The following SLC8A1 variants were observed in gnomAD, a reference collection of about 807,000 sequenced individuals.
The protein encoded by SLC8A1 is sodium/calcium exchanger 1.
SLC8A1 carries 18 observed loss-of-function variants against 68.3 expected under a neutral mutation model. The observed-to-expected ratio is 0.26, with a 90% CI of 0.18 to 0.39. The LOEUF is 0.39. SLC8A1 is among the 10% of genes least tolerant of loss of function. The pLI is 1.00. For missense variants in SLC8A1, 985 were observed against 1,156.7 expected, an observed-to-expected ratio of 0.85 and a Z score of 2.15; for synonymous variants, 475 against 415.5, an observed-to-expected ratio of 1.14 and a Z score of -1.74.
At chr2:40,241,672 G>A (rs1296436721) in intron 2 of SLC8A1, among the ~76,000 whole-genome samples, 1 of 152,072 alleles carries the variant, frequency 6.6e-6, no homozygotes, top group South Asian at 2.1e-4. Flanking sequence ...AGAAGAGTGT[G>A]AAGGTGGTCC....
intron 2 of SLC8A1, among the ~76,000 whole-genome samples, chr2:40,331,576 T>C (rs183005116): frequency 6.6e-6 from 1 of 151,122 alleles, no homozygotes; most frequent in Non-Finnish European, 1.5e-5. Context: ...GGTGGCTTTT[T>C]ATTTATTTAT....
chr2:40,263,408 C>G (rs1034056031), intron 2 of SLC8A1, among the ~76,000 whole-genome samples: 1 of 152,114 alleles, frequency 6.6e-6, no homozygotes, highest in Non-Finnish European at 1.5e-5. Context: ...AACCCCAAGC[C>G]AAAAGAACAA....
intron 2 of SLC8A1, among the ~76,000 whole-genome samples, chr2:40,336,588 C>T (rs1218025481): frequency 1.3e-5 from 2 of 152,000 alleles, no homozygotes; most frequent in Non-Finnish European, 2.9e-5. Context: ...TGACCTTTTC[C>T]CCTGGGAATC....
intron 2 of SLC8A1, among the ~76,000 whole-genome samples, chr2:40,393,761 A>G (rs899127190): frequency 3.3e-5 from 5 of 151,720 alleles, no homozygotes; most frequent in Non-Finnish European, 7.4e-5. Flanking sequence ...AAAATTAGTG[A>G]TTTTATTTAT....
At chr2:40,240,463 G>C (rs555376405) in intron 2 of SLC8A1, among the ~76,000 whole-genome samples, 2 of 152,264 alleles carry the variant, frequency 1.3e-5, no homozygotes, top group East Asian at 3.9e-4. Flanking sequence ...ATTTGGATTG[G>C]TTAAGAGGAG....
rs372316695 is a variant in SLC8A1, at chr2:40,302,571, CAT to C, written c.1809-124718_1809-124717del. On this transcript the variant is annotated intron_variant, in intron 2 of 7. Transcript: ENST00000406785. ...TATATATGTATATATATCTGTATAA[CAT>C]ATATATCATATATATACATATGTAT... Among the ~76,000 whole-genome samples the C allele has an allele frequency of 9.5e-5, 14 of 147,462 alleles. No individual in the cohort carries two copies. In the East Asian group the frequency reaches 2.2e-3, roughly 23 times the overall value.
At chr2:40,422,263 C>A (rs537049248) in intron 2 of SLC8A1, among the ~76,000 whole-genome samples, 70 of 152,240 alleles carry the variant, frequency 4.6e-4, no homozygotes, top group African/African-American at 1.5e-3. Flanking sequence ...CGATGTTCTA[C>A]CCCAAACAGT....
intron 2 of SLC8A1, among the ~76,000 whole-genome samples, chr2:40,302,644 A>T (rs1228911922): frequency 1.3e-5 from 2 of 151,450 alleles, no homozygotes; most frequent in Non-Finnish European, 2.9e-5. Context: ...TTGTTGACTG[A>T]GGGCATTTGG....
chr2:40,201,118 A>G (rs1288726834), intron 2 of SLC8A1, among the ~76,000 whole-genome samples: 5 of 151,778 alleles, frequency 3.3e-5, no homozygotes, highest in African/African-American at 4.8e-5. Flanking sequence ...CCCTCAAAAA[A>G]AAAAGAAAAG....
At chr2:40,188,706 C>A (rs1454726262) in intron 2 of SLC8A1, among the ~76,000 whole-genome samples, 1 of 152,172 alleles carries the variant, frequency 6.6e-6, no homozygotes, top group African/African-American at 2.4e-5. Context: ...AGAAAGAGGT[C>A]AGCTTTAAAA....
chr2:40,371,076 G>C (rs759526070), intron 2 of SLC8A1, among the ~76,000 whole-genome samples: 5 of 152,048 alleles, frequency 3.3e-5, no homozygotes, highest in Non-Finnish European at 4.4e-5. Flanking sequence ...ACAAAAACTA[G>C]AAGGGATCTT....
chr2:40,405,608 G>T (rs1289505405), intron 2 of SLC8A1, among the ~76,000 whole-genome samples: 1 of 152,120 alleles, frequency 6.6e-6, no homozygotes, highest in East Asian at 1.9e-4. Context: ...GCACTTACTT[G>T]CATGGTGGTT....
intron 2 of SLC8A1, among the ~76,000 whole-genome samples, chr2:40,408,737 A>G (rs2149689042): frequency 6.6e-6 from 1 of 152,334 alleles, no homozygotes. Context: ...AAGGGGCACC[A>G]GTTAGATATT....
At chr2:40,239,795 A>G (rs2060962997) in intron 2 of SLC8A1, among the ~76,000 whole-genome samples, 1 of 152,256 alleles carries the variant, frequency 6.6e-6, no homozygotes, top group Non-Finnish European at 1.5e-5. Context: ...TACAGGAGTG[A>G]AGTACAATTT....
chr2:40,181,586 A>G (rs114370207), intron 2 of SLC8A1, among the ~76,000 whole-genome samples: 3,055 of 152,310 alleles, frequency 0.02, 63 homozygotes, highest in African/African-American at 0.049. Flanking sequence ...TTATATATTG[A>G]TTTCACTCCT....
At chr2:40,162,423 G>A (rs369739) in intron 5 of SLC8A1, among the ~76,000 whole-genome samples, 3,719 of 152,272 alleles carry the variant, frequency 0.024, 168 homozygotes, top group African/African-American at 0.085. Flanking sequence ...AATCCATGAC[G>A]GAGTATCCCA....
At chr2:40,255,403 C>T (rs931631936) in intron 2 of SLC8A1, among the ~76,000 whole-genome samples, 9 of 152,148 alleles carry the variant, frequency 5.9e-5, no homozygotes, top group Non-Finnish European at 1.3e-4. Context: ...TATCATCTCT[C>T]ATCATGTATA....
chr2:40,180,367 T>G (rs2049271800), intron 2 of SLC8A1, among the ~76,000 whole-genome samples: 4 of 152,236 alleles, frequency 2.6e-5, no homozygotes, highest in Admixed American at 2.6e-4. Context: ...TAATTAGAAC[T>G]GAATTTGATG....
chr2:40,102,959 A>T (rs2125030177), exon 8 of SLC8A1: 2 of 152,326 alleles, frequency 1.3e-5, no homozygotes, highest in Non-Finnish European at 2.9e-5. Flanking sequence ...CTGGAATTAT[A>T]ACAGAAATAT....
Sources: allele counts gnomAD v4.1 joint callset (sites outside exome capture counted in the v4.1 genomes callset), GRCh38; gene constraint gnomAD v4.1.1; transcripts MANE v1.5; gene names NCBI Gene and HGNC (gene_info 2026-07-23, HGNC 2026-07-21).